Variants in LRP1B observed in about 807,000 individuals in gnomAD.
LRP1B encodes LDL receptor related protein 1B, also known as low-density lipoprotein receptor-related protein 1B.
A neutral mutation model predicts 556.6 loss-of-function variants in LRP1B; 217 were observed. The ratio of observed to expected loss-of-function variants is 0.39; its 90% CI spans 0.35 to 0.44. The LOEUF is 0.44. LRP1B is among the 20% of genes least tolerant of loss of function. LRP1B has a pLI of 1.00. For missense variants in LRP1B, 5,053 were observed against 5,620.8 expected, an observed-to-expected ratio of 0.90 and a Z score of 3.23; for synonymous variants, 2,047 against 1,865.8, an observed-to-expected ratio of 1.10 and a Z score of -2.50.
intron 2 of LRP1B, among the ~76,000 whole-genome samples, chr2:141,553,222 T>A (rs1212900505): frequency 6.6e-6 from 1 of 151,734 alleles, no homozygotes; most frequent in African/African-American, 2.4e-5. Flanking sequence ...GAAGAGGGCG[T>A]TTTCTAAGAT....
intron 3 of LRP1B, among the ~76,000 whole-genome samples, chr2:141,263,010 T>A (rs915491761): frequency 2.6e-5 from 4 of 151,930 alleles, no homozygotes; most frequent in Admixed American, 6.6e-5. Flanking sequence ...TACTGAGCCT[T>A]CTAATTAAAA....
At chr2:141,397,137 G>T (rs1690270579) in intron 3 of LRP1B, among the ~76,000 whole-genome samples, 1 of 30,032 alleles carries the variant, frequency 3.3e-5, no homozygotes, top group Admixed American at 2.5e-4. Context: ...AAAAAAAAAG[G>T]ATGTGGTTTC....
chr2:141,725,587 T>A (rs1031658490), intron 2 of LRP1B, among the ~76,000 whole-genome samples: 2 of 151,924 alleles, frequency 1.3e-5, no homozygotes, highest in African/African-American at 4.8e-5. Context: ...AAGGATTTTT[T>A]AAAAATCAGT....
intron 20 of LRP1B, among the ~76,000 whole-genome samples, chr2:140,932,170 AATTT>A (rs1483088821): frequency 2.0e-5 from 3 of 152,212 alleles, no homozygotes; most frequent in African/African-American, 7.2e-5. Context: ...AATTATTAAT[AATTT>A]ATTTATTCTT....
intron 2 of LRP1B, among the ~76,000 whole-genome samples, chr2:141,580,120 C>A (rs144155270): frequency 0.011 from 1,643 of 152,286 alleles, 27 homozygotes; most frequent in African/African-American, 0.036. Flanking sequence ...GGAATCCTTA[C>A]TTTCTATAAT....
chr2:141,041,666 C>T (rs1003712822), intron 11 of LRP1B, among the ~76,000 whole-genome samples: 5 of 152,082 alleles, frequency 3.3e-5, no homozygotes, highest in African/African-American at 1.2e-4. Context: ...TGTTCTCTAG[C>T]ACTGCAAGGA....
chr2:141,332,166 C>A (rs1687679423), intron 3 of LRP1B, among the ~76,000 whole-genome samples: 1 of 151,728 alleles, frequency 6.6e-6, no homozygotes, highest in Admixed American at 6.6e-5. Context: ...AATATAACTT[C>A]ACAGATGCAA....
At chr2:141,652,926 G>A (rs1689854726) in intron 2 of LRP1B, among the ~76,000 whole-genome samples, 1 of 152,140 alleles carries the variant, frequency 6.6e-6, no homozygotes, top group African/African-American at 2.4e-5. Flanking sequence ...AAGGACCACT[G>A]CACCCAGAAT....
intron 7 of LRP1B, among the ~76,000 whole-genome samples, chr2:141,103,287 C>A (rs72852314): frequency 0.023 from 3,560 of 152,084 alleles, 81 homozygotes; most frequent in Non-Finnish European, 0.034. Flanking sequence ...ATAAATAAAG[C>A]CTCTTTTTCT....
At chr2:141,595,615 G>GA (rs1687487952) in intron 2 of LRP1B, among the ~76,000 whole-genome samples, 1 of 151,960 alleles carries the variant, frequency 6.6e-6, no homozygotes, top group African/African-American at 2.4e-5. Flanking sequence ...TGACAAATTA[G>GA]AAAAAATAAT....
rs749079635 is a variant in LRP1B, at chr2:140,598,829, C to A, written c.6996G>T (p.Met2332Ile). 1.3e-6 allele frequency: 2 copies of A among 1,587,360 alleles called. No homozygotes were observed. Among genetic ancestry groups the A allele is most frequent in the Non-Finnish European group, 1.7e-6 (2 of 1,157,130 alleles). The change falls in exon 43 of 91, where the codon ATG becomes ATT. Residue 2332 changes from methionine (M) to isoleucine (I), a missense_variant. Met to Ile is a conservative substitution (Grantham distance 10). Coordinates refer to ENST00000389484, the MANE Select transcript of LRP1B (RefSeq NM_018557.3). ...VLALDECQNL[M>I]FWTNWNEQHP... is the part of the protein sequence containing the mutation. The stretch of plus-strand genomic sequence containing the variant: ...GTTGTTCATTCCAGTTGGTCCAAAA[C>A]ATTAAACTAATTAAAATGAAAATTG...
rs1231241421 is a variant in LRP1B, at chr2:140,275,517, G to A, written c.12968-919C>T. On this transcript the variant is annotated intron_variant, in intron 84 of 90. Transcript: ENST00000389484. ...TGGTGAGCAGAGGACTCATACCCCT[G>A]CACCAGACTTTAGTGTTGTGGAAAG... is the stretch of plus-strand genomic sequence containing the variant. 3.3e-5 allele frequency among the ~76,000 whole-genome samples: 5 copies of A among 151,904 alleles called. No homozygotes were observed. In the East Asian group the frequency reaches 7.8e-4, roughly 24 times the overall value.
intron 76 of LRP1B, among the ~76,000 whole-genome samples, chr2:140,351,965 C>G (rs757626310): frequency 2.0e-5 from 3 of 152,014 alleles, no homozygotes; most frequent in Non-Finnish European, 4.4e-5. Context: ...TGCTGGGATT[C>G]AAATCCAAGC....
intron 2 of LRP1B, among the ~76,000 whole-genome samples, chr2:141,771,450 C>T (rs906640): frequency 0.095 from 14,424 of 152,134 alleles, 956 homozygotes; most frequent in African/African-American, 0.18. Context: ...GGATTTTAAC[C>T]ATGCATAAAA....
At chr2:140,756,491 G>T (rs1185336710) in intron 35 of LRP1B, among the ~76,000 whole-genome samples, 1 of 151,946 alleles carries the variant, frequency 6.6e-6, no homozygotes, top group African/African-American at 2.4e-5. Flanking sequence ...TAGATATATA[G>T]ATCAATGAGA....
At chr2:141,061,550 C>T (rs1427591310) in intron 8 of LRP1B, among the ~76,000 whole-genome samples, 2 of 151,756 alleles carry the variant, frequency 1.3e-5, no homozygotes, top group African/African-American at 4.8e-5. Flanking sequence ...GTGACTTTCA[C>T]AGAATTCTCT....
chr2:141,871,433 T>A (rs1574449618), intron 1 of LRP1B, among the ~76,000 whole-genome samples: 1 of 152,154 alleles, frequency 6.6e-6, no homozygotes, highest in East Asian at 1.9e-4. Context: ...TTAAATCTAA[T>A]AGGCAAAAAC....
chr2:141,145,449 G>A (rs1161008413), intron 7 of LRP1B, among the ~76,000 whole-genome samples: 1 of 151,890 alleles, frequency 6.6e-6, no homozygotes, highest in Non-Finnish European at 1.5e-5. Context: ...GACACATAAA[G>A]CTCTGTGGAG....
chr2:140,262,038 C>T lies in LRP1B; in HGVS notation c.13247+8204G>A, dbSNP rs374738901. Reference sequence around the variant, plus strand: ...TAGGTATCCTTAGGTATATAGAGAACCTTTACTAATTTCTCAGAAGAATTA... The same window carrying T: ...TAGGTATCCTTAGGTATATAGAGAATCTTTACTAATTTCTCAGAAGAATTA... On this transcript the variant is annotated intron_variant, in intron 86 of 90. Coordinates refer to ENST00000389484, the MANE Select transcript of LRP1B (RefSeq NM_018557.3). 7.9e-5 allele frequency among the ~76,000 whole-genome samples: 12 copies of T among 151,800 alleles called. No individual in the cohort carries two copies. In the East Asian group the frequency reaches 1.9e-3, roughly 25 times the overall value.
Sources: gnomAD v4.1 joint callset for allele counts (sites outside exome capture counted in the v4.1 genomes callset) on GRCh38, gnomAD v4.1.1 for gene constraint, MANE v1.5 for transcripts, NCBI Gene and HGNC (gene_info 2026-07-23, HGNC 2026-07-21) for gene names.